Variants in PREX2 observed in about 807,000 individuals in gnomAD.
PREX2 encodes phosphatidylinositol 3,4,5-trisphosphate-dependent Rac exchanger 2 protein.
A neutral mutation model predicts 203.2 loss-of-function variants in PREX2; 107 were observed. The observed-to-expected ratio is 0.53, with a 90% CI of 0.45 to 0.62. PREX2 has a LOEUF of 0.62. Ranked by LOEUF, PREX2 falls within the 20% of genes least tolerant of loss-of-function variation. The probability of loss-of-function intolerance (pLI) is 0.00; values close to 1 mark genes in which losing one functional copy is unlikely to be tolerated. For synonymous variants in PREX2, 672 were observed against 663.6 expected (o/e 1.01, Z -0.19); for missense variants, 1,777 against 1,955.9 (o/e 0.91, Z 1.72).
intron 37 of PREX2, among the ~76,000 whole-genome samples, chr8:68,214,086 A>T (rs2129615208): frequency 6.6e-6 from 1 of 152,328 alleles, no homozygotes; most frequent in African/African-American, 2.4e-5. Context: ...GTTAGAAAGA[A>T]GATTGGGGCA....
intron 38 of PREX2, among the ~76,000 whole-genome samples, chr8:68,223,001 T>C (rs1172086284): frequency 6.6e-6 from 1 of 152,214 alleles, no homozygotes; most frequent in Non-Finnish European, 1.5e-5. Flanking sequence ...CCTCAGGAAC[T>C]GTCACAGATT....
intron 30 of PREX2, 114 bp from the exon 31 acceptor site, chr8:68,127,264 C>T: frequency 8.1e-6 from 6 of 741,796 alleles, no homozygotes; most frequent in Admixed American, 2.7e-5. Flanking sequence ...ACCACAACTA[C>T]TTTTGCATGA....
chr8:68,164,532 C>T (rs1474039372), intron 35 of PREX2, among the ~76,000 whole-genome samples: 1 of 151,220 alleles, frequency 6.6e-6, no homozygotes, highest in East Asian at 1.9e-4. Flanking sequence ...CAGATTATAG[C>T]CAAGAAAAAC....
chr8:68,069,983 T>G (rs1809150138), intron 13 of PREX2, 99 bp downstream of exon 13: 2 of 589,436 alleles, frequency 3.4e-6, no homozygotes, highest in East Asian at 5.7e-5. Flanking sequence ...CTTATTTTGT[T>G]TTTTTTCACT....
intron 35 of PREX2, among the ~76,000 whole-genome samples, chr8:68,172,150 T>C (rs561675395): frequency 5.3e-5 from 8 of 152,336 alleles, no homozygotes; most frequent in African/African-American, 1.9e-4. Context: ...TAGTTGTATG[T>C]TTTGTTTTAT....
chr8:67,985,963 T>G (rs757103188), intron 1 of PREX2, among the ~76,000 whole-genome samples: 4 of 152,202 alleles, frequency 2.6e-5, no homozygotes, highest in African/African-American at 9.7e-5. Context: ...TAAGGAAACT[T>G]TATGAATAGG....
At chr8:68,028,523 G>A (rs1378015076) in intron 5 of PREX2, among the ~76,000 whole-genome samples, 2 of 151,918 alleles carry the variant, frequency 1.3e-5, no homozygotes, top group Admixed American at 6.6e-5. Flanking sequence ...CATAAATTGG[G>A]TATCTGCGTA....
rs1338535820 is a variant in PREX2 at position 67,952,317 on chromosome 8, C to G, written c.-78C>G. 5.6e-6 allele frequency: 7 copies of G among 1,246,756 alleles called. No homozygotes were observed. Among genetic ancestry groups the G allele is most frequent in the Non-Finnish European group, 7.1e-6 (7 of 980,498 alleles). 77.2% of individuals were successfully genotyped at this position (1,246,756 alleles called of 1,614,324 possible). A position where few individuals can be genotyped will look rare whatever the true frequency, so the allele number is the denominator to read the frequency against. ...GGCGGCAACTTTCCATTCTCGCCGC[C>G]GGGGGCCGGGCAGCAGCGGGCGCGC... is the stretch of plus-strand genomic sequence containing the variant. On this transcript the variant is annotated 5_prime_UTR_variant, in exon 1 of 40. Coordinates refer to ENST00000288368, the MANE Select transcript of PREX2 (RefSeq NM_024870.4).
At chr8:68,110,306 G>A (rs1358841905) in intron 25 of PREX2, among the ~76,000 whole-genome samples, 1 of 152,192 alleles carries the variant, frequency 6.6e-6, no homozygotes, top group East Asian at 1.9e-4. Context: ...ATCTAGTCCA[G>A]ACAGCTCTGT....
intron 7 of PREX2, among the ~76,000 whole-genome samples, chr8:68,041,657 T>C (rs1335479612): frequency 6.6e-6 from 1 of 152,084 alleles, no homozygotes; most frequent in African/African-American, 2.4e-5. Flanking sequence ...AGATTGAGAT[T>C]GATAGAAATT....
chr8:68,057,326 AC>A (rs1293936434), intron 10 of PREX2, among the ~76,000 whole-genome samples: 1 of 152,068 alleles, frequency 6.6e-6, no homozygotes, highest in African/African-American at 2.4e-5. Flanking sequence ...TTTATAAATT[AC>A]CCAGTCGTGG....
In PREX2 at chr8:68,060,763, T is replaced by C; in HGVS notation, c.1323T>C (p.Asn441=). The part of the protein sequence containing the change: ...GVHLGQALLE[N]GIIHHVTDKH... ...ACTTGGGACAAGCATTATTAGAAAATGGAATCATTCACCATGGTAATTACT... is the reference window on the plus strand; with the variant it reads ...ACTTGGGACAAGCATTATTAGAAAACGGAATCATTCACCATGGTAATTACT... The change falls in exon 11 of 40, where the codon AAT becomes AAC. Residue 441 remains asparagine, a synonymous_variant. Transcript: ENST00000288368. 6.2e-7 allele frequency: 1 copy of C among 1,605,628 alleles called. No homozygotes were observed. Among genetic ancestry groups the C allele is most frequent in the Non-Finnish European group, 8.5e-7 (1 of 1,174,480 alleles).
intron 7 of PREX2, among the ~76,000 whole-genome samples, chr8:68,041,969 A>T (rs1280026678): frequency 6.6e-6 from 1 of 152,112 alleles, no homozygotes; most frequent in African/African-American, 2.4e-5. Flanking sequence ...GCCCTTAATG[A>T]ATGTATTATG....
At chr8:68,219,526 C>T (rs1007378305) in intron 38 of PREX2, among the ~76,000 whole-genome samples, 6 of 151,974 alleles carry the variant, frequency 3.9e-5, no homozygotes, top group Admixed American at 2.0e-4. Context: ...ACTTGTTCTT[C>T]CCCCGAATTT....
Position 68,232,406 on chromosome 8 carries a change from G to A in PREX2, c.*1028G>A, listed in dbSNP as rs1352253288. 5 of 151,974 alleles carry A rather than the reference G, an allele frequency of 3.3e-5. No individual in the cohort carries two copies. The highest frequency in any genetic ancestry group is 1.2e-4 in the African/African-American group (5 of 41,372). The allele number at this position is 151,974 out of a possible 1,614,324, so 9.4% of individuals were successfully genotyped here. A position where few individuals can be genotyped will look rare whatever the true frequency, so the allele number is the denominator to read the frequency against. On this transcript the variant is annotated 3_prime_UTR_variant, in exon 40 of 40. Coordinates refer to ENST00000288368, the MANE Select transcript of PREX2 (RefSeq NM_024870.4). ...GGACTTGTAATTTATGGATGCACAA[G>A]GTGTATTCTATCCTTATTCTAAAGT... is the stretch of plus-strand genomic sequence containing the variant.
intron 7 of PREX2, 96 bp from the exon 8 acceptor site, chr8:68,044,391 G>A: frequency 1.3e-6 from 1 of 773,378 alleles, no homozygotes. Context: ...CGATTGAATT[G>A]GTGTCTTTTT....
intron 38 of PREX2, among the ~76,000 whole-genome samples, chr8:68,218,911 G>C (rs1812898575): frequency 1.3e-5 from 2 of 152,060 alleles, no homozygotes; most frequent in Non-Finnish European, 1.5e-5. Flanking sequence ...AGCTGGAAAG[G>C]GTAAACACAG....
intron 12 of PREX2, 31 bp downstream of exon 12, chr8:68,069,167 G>A (rs371761567): frequency 2.2e-5 from 21 of 971,508 alleles, no homozygotes; most frequent in Non-Finnish European, 3.3e-5. Flanking sequence ...CTCTCCAATA[G>A]TAGAATGCAT....
rs1172751071 is a variant in PREX2, at chr8:68,235,635, TG to T, written c.*4262del. The T allele has an allele frequency of 6.6e-6, 1 of 152,074 alleles. No individual in the cohort carries two copies. The highest frequency in any genetic ancestry group is 1.5e-5 in the Non-Finnish European group (1 of 67,980). 9.4% of individuals were successfully genotyped at this position (152,074 alleles called of 1,614,324 possible). A position where few individuals can be genotyped will look rare whatever the true frequency, so the allele number is the denominator to read the frequency against. ...TTCACCCTGCATGAAGCAGAACAGG[TG>T]GGGGAAAATTACAAGAGGGGTCTGT... On this transcript the variant is annotated 3_prime_UTR_variant, in exon 40 of 40. Coordinates refer to ENST00000288368, the MANE Select transcript of PREX2 (RefSeq NM_024870.4).
Sources: gnomAD v4.1 joint callset for allele counts (sites outside exome capture counted in the v4.1 genomes callset) on GRCh38, gnomAD v4.1.1 for gene constraint, MANE v1.5 for transcripts, NCBI Gene and HGNC (gene_info 2026-07-23, HGNC 2026-07-21) for gene names.